Variants in CLIC5 observed in about 807,000 individuals in gnomAD.
CLIC5 encodes the protein chloride intracellular channel protein 5.
CLIC5 carries 20 observed loss-of-function variants against 24.7 expected under a neutral mutation model. The observed-to-expected ratio is 0.81, with a 90% CI of 0.57 to 1.18. The LOEUF (loss-of-function observed/expected upper bound fraction) is 1.18, where lower values mean the gene tolerates loss of function less well. Ranked by LOEUF, CLIC5 falls within the 50% of genes most tolerant of loss-of-function variation. The pLI is 0.00. For synonymous variants in CLIC5, 159 were observed against 135.6 expected (o/e 1.17, Z -1.20); for missense variants, 341 against 326.1 (o/e 1.05, Z -0.35).
chr6:45,928,947 C>T (rs1352471416), intron 4 of CLIC5, among the ~76,000 whole-genome samples: 1 of 152,048 alleles, frequency 6.6e-6, no homozygotes. Context: ...TCCTTTATTC[C>T]CCAGGTCTTG....
chr6:45,882,939 A>G (rs1464823686), intron 6 of CLIC5, among the ~76,000 whole-genome samples: 1 of 152,232 alleles, frequency 6.6e-6, no homozygotes, highest in Admixed American at 6.5e-5. Flanking sequence ...GTTATAATTT[A>G]GCTCTAGACA....
At chr6:46,021,109 A>G (rs1466245598) in intron 1 of CLIC5, among the ~76,000 whole-genome samples, 1 of 147,514 alleles carries the variant, frequency 6.8e-6, no homozygotes, top group African/African-American at 2.5e-5. Context: ...AAAAAAAAAA[A>G]CCCAGCTAAA....
At chr6:46,001,355 C>G (rs144724096) in intron 1 of CLIC5, among the ~76,000 whole-genome samples, 1 of 152,152 alleles carries the variant, frequency 6.6e-6, no homozygotes, top group Non-Finnish European at 1.5e-5. Context: ...ATGGCTTTCT[C>G]CCCCTTCTCT....
At chr6:45,958,738 C>G (rs1243274630) in intron 1 of CLIC5, among the ~76,000 whole-genome samples, 4 of 151,624 alleles carry the variant, frequency 2.6e-5, no homozygotes, top group African/African-American at 9.7e-5. Context: ...CATGTGAGCT[C>G]TCTCCATATA....
chr6:46,104,313 C>T, the CLIC5 span, among the ~76,000 whole-genome samples: 1 of 152,086 alleles, frequency 6.6e-6, no homozygotes, highest in African/African-American at 2.4e-5. Context: ...CTTTTTGTCT[C>T]CACCATCTGG....
intron 1 of CLIC5, among the ~76,000 whole-genome samples, chr6:45,958,881 A>G (rs543986905): frequency 4.4e-4 from 67 of 152,210 alleles, no homozygotes; most frequent in African/African-American, 1.5e-3. Context: ...GGGGAGGGTG[A>G]TGTCCCTCCC....
intron 6 of CLIC5, among the ~76,000 whole-genome samples, chr6:45,887,810 C>T (rs1009954831): frequency 1.3e-4 from 20 of 152,026 alleles, no homozygotes; most frequent in East Asian, 5.8e-4. Flanking sequence ...AAAATCATAA[C>T]GCAACTATAG....
the CLIC5 span, among the ~76,000 whole-genome samples, chr6:46,087,541 A>T: frequency 6.6e-6 from 1 of 151,912 alleles, no homozygotes; most frequent in Non-Finnish European, 1.5e-5. Flanking sequence ...CCTGACTCTC[A>T]GAAATGACCT....
intron 5 of CLIC5, among the ~76,000 whole-genome samples, chr6:45,904,667 C>CTCT (rs1561920457): frequency 1.8e-4 from 26 of 145,154 alleles, no homozygotes; most frequent in African/African-American, 6.4e-4. Flanking sequence ...CCTCCCTACT[C>CTCT]CCTTCCTTCC....
At chr6:45,933,675 AT>A (rs1340958930) in intron 4 of CLIC5, among the ~76,000 whole-genome samples, 2 of 152,228 alleles carry the variant, frequency 1.3e-5, no homozygotes, top group Non-Finnish European at 2.9e-5. Context: ...ATCTTTGCAC[AT>A]CTAGTGCAGG....
At chr6:45,924,459 T>C (rs1413870635) in intron 4 of CLIC5, among the ~76,000 whole-genome samples, 1 of 152,136 alleles carries the variant, frequency 6.6e-6, no homozygotes. Flanking sequence ...AAGCTACCCA[T>C]TGGATGTTTG....
intron 1 of CLIC5, among the ~76,000 whole-genome samples, chr6:46,074,950 C>T (rs1202435836): frequency 2.0e-5 from 3 of 152,292 alleles, no homozygotes; most frequent in African/African-American, 7.2e-5. Flanking sequence ...TTGTATTGCT[C>T]ATGTTTGAAA....
rs1263593136 is a variant in CLIC5 at position 45,955,332 on chromosome 6, G to A, written c.64-88C>T. Reference sequence around the variant, plus strand: ...TGTAACACCCAAATGCAGGTCTGAGGAGACCTTACTAAAACCATGTCCCAG... The same window carrying A: ...TGTAACACCCAAATGCAGGTCTGAGAAGACCTTACTAAAACCATGTCCCAG... On this transcript the variant is annotated intron_variant, in intron 1 of 5. Transcript: ENST00000339561. 4 of 892,612 alleles carry A rather than the reference G, an allele frequency of 4.5e-6. No individual in the cohort carries two copies. In the East Asian group the frequency reaches 7.6e-5, roughly 17 times the overall value. 55.3% of individuals were successfully genotyped at this position (892,612 alleles called of 1,614,324 possible). A position where few individuals can be genotyped will look rare whatever the true frequency, so the allele number is the denominator to read the frequency against.
intron 1 of CLIC5, among the ~76,000 whole-genome samples, chr6:45,996,734 C>T (rs1046384606): frequency 4.6e-5 from 7 of 151,932 alleles, no homozygotes; most frequent in African/African-American, 1.7e-4. Flanking sequence ...ATTTATGCAG[C>T]CAAAAGACAC....
chr6:45,937,822 C>A (rs898219864), intron 4 of CLIC5, among the ~76,000 whole-genome samples: 1 of 152,168 alleles, frequency 6.6e-6, no homozygotes, highest in African/African-American at 2.4e-5. Flanking sequence ...TGGGGACTTA[C>A]AAGGCTTTGG....
intron 1 of CLIC5, among the ~76,000 whole-genome samples, chr6:45,960,582 C>A (rs1235745033): frequency 1.3e-5 from 2 of 152,176 alleles, no homozygotes; most frequent in African/African-American, 4.8e-5. Flanking sequence ...ACCCCCCTGG[C>A]ACCTCATAGC....
intron 1 of CLIC5, among the ~76,000 whole-genome samples, chr6:46,055,881 G>A (rs1768234204): frequency 6.6e-6 from 1 of 152,192 alleles, no homozygotes; most frequent in African/African-American, 2.4e-5. Context: ...ACCTAGAGTA[G>A]CCAAACACAG....
intron 1 of CLIC5, among the ~76,000 whole-genome samples, chr6:46,055,482 C>T (rs1346567068): frequency 1.3e-5 from 2 of 152,170 alleles, no homozygotes; most frequent in Non-Finnish European, 2.9e-5. Flanking sequence ...AGGTGATCTG[C>T]CCGCCTCGGC....
intron 1 of CLIC5, among the ~76,000 whole-genome samples, chr6:46,077,048 T>C (rs1442957918): frequency 6.6e-6 from 1 of 151,650 alleles, no homozygotes; most frequent in African/African-American, 2.4e-5. Context: ...GAGGTTGCAG[T>C]GAGCTGCCCT....
Sources: allele counts gnomAD v4.1 joint callset (sites outside exome capture counted in the v4.1 genomes callset), GRCh38; gene constraint gnomAD v4.1.1; transcripts MANE v1.5; gene names NCBI Gene and HGNC (gene_info 2026-07-23, HGNC 2026-07-21).